ZMAT5: variants seen among roughly 807,000 people sequenced by gnomAD.
The protein encoded by ZMAT5 is zinc finger matrin-type protein 5.
In ZMAT5, 23 loss-of-function variants were observed where a neutral mutation model predicts 28.0. That is an observed-to-expected ratio of 0.82 (90% CI 0.59 to 1.16). The LOEUF (loss-of-function observed/expected upper bound fraction) is 1.16, where lower values mean the gene tolerates loss of function less well. ZMAT5 is among the 50% of genes most tolerant of loss of function. ZMAT5 has a pLI of 0.00. For synonymous variants in ZMAT5, 76 were observed against 84.1 expected, an observed-to-expected ratio of 0.90 and a Z score of 0.52; for missense variants, 173 against 212.7, an observed-to-expected ratio of 0.81 and a Z score of 1.16.
At chr22:29,751,792 C>A (rs111677583) in intron 1 of ZMAT5, among the ~76,000 whole-genome samples, 2 of 152,112 alleles carry the variant, frequency 1.3e-5, no homozygotes, top group Non-Finnish European at 2.9e-5. Context: ...TAGAGTGAAA[C>A]CCCATCTGTA....
intron 5 of ZMAT5, among the ~76,000 whole-genome samples, chr22:29,735,557 G>C (rs1341128953): frequency 6.6e-6 from 1 of 152,232 alleles, no homozygotes; most frequent in African/African-American, 2.4e-5. Context: ...CCCTGAACTT[G>C]GTGTCAGAGG....
intron 1 of ZMAT5, among the ~76,000 whole-genome samples, chr22:29,762,194 A>C (rs766086678): frequency 6.6e-5 from 10 of 152,246 alleles, no homozygotes; most frequent in Non-Finnish European, 1.5e-4. Context: ...TTAAGCTGTA[A>C]ATAGGGATGA....
chr22:29,748,314 A>C, intron 2 of ZMAT5, 104 bp downstream of exon 2: 1 of 1,565,542 alleles, frequency 6.4e-7, no homozygotes, highest in South Asian at 1.1e-5. Context: ...TTGATCCTCA[A>C]AGAGCCCAGA....
At chr22:29,760,586 T>G (rs888743703) in intron 1 of ZMAT5, among the ~76,000 whole-genome samples, 1 of 152,100 alleles carries the variant, frequency 6.6e-6, no homozygotes, top group Non-Finnish European at 1.5e-5. Context: ...AAATCCTGAT[T>G]TAGCAGATCT....
intron 5 of ZMAT5, among the ~76,000 whole-genome samples, chr22:29,735,119 AG>A: frequency 6.6e-6 from 1 of 152,026 alleles, no homozygotes; most frequent in Admixed American, 6.5e-5. Flanking sequence ...TAAGCAGGGT[AG>A]GGGGTGTGGA....
chr22:29,736,447 C>T (rs1256139911), intron 5 of ZMAT5, among the ~76,000 whole-genome samples: 5 of 152,152 alleles, frequency 3.3e-5, no homozygotes, highest in South Asian at 2.1e-4. Context: ...TGGCTGGGTG[C>T]GGTGGCTCAT....
intron 2 of ZMAT5, among the ~76,000 whole-genome samples, chr22:29,745,254 G>T (rs758224472): frequency 3.3e-5 from 5 of 152,212 alleles, no homozygotes; most frequent in Non-Finnish European, 5.9e-5. Context: ...GAGGTGGTGG[G>T]GGGGCCTGGC....
intron 5 of ZMAT5, among the ~76,000 whole-genome samples, chr22:29,734,795 G>A (rs551755101): frequency 1.4e-4 from 22 of 151,946 alleles, no homozygotes; most frequent in Non-Finnish European, 3.1e-4. Context: ...GGTGAGATCC[G>A]ACTGGCTGCG....
chr22:29,741,934 G>C (rs1333851029), intron 3 of ZMAT5, among the ~76,000 whole-genome samples: 2 of 152,184 alleles, frequency 1.3e-5, no homozygotes, highest in African/African-American at 2.4e-5. Context: ...GATTACAAGA[G>C]TGAGGCACCA....
intron 1 of ZMAT5, among the ~76,000 whole-genome samples, chr22:29,762,025 A>G (rs1159792132): frequency 6.6e-6 from 1 of 152,246 alleles, no homozygotes; most frequent in Non-Finnish European, 1.5e-5. Flanking sequence ...ATTATTTATA[A>G]GAACTTGAAA....
At chr22:29,758,089 C>A (rs749043792) in intron 1 of ZMAT5, among the ~76,000 whole-genome samples, 4 of 152,166 alleles carry the variant, frequency 2.6e-5, no homozygotes, top group Non-Finnish European at 5.9e-5. Flanking sequence ...GGGAAGCCAG[C>A]TGCCACACTG....
Position 29,731,139 on chromosome 22 carries a change from A to G in ZMAT5, c.*86T>C. The G allele has an allele frequency of 1.4e-6, 2 of 1,381,304 alleles. No homozygotes were observed. The highest frequency in any genetic ancestry group is 1.9e-6 in the Non-Finnish European group (2 of 1,054,150). 85.6% of individuals were successfully genotyped at this position (1,381,304 alleles called of 1,614,324 possible). A position where few individuals can be genotyped will look rare whatever the true frequency, so the allele number is the denominator to read the frequency against. On this transcript the variant is annotated 3_prime_UTR_variant, in exon 6 of 6. Coordinates refer to ENST00000344318, the MANE Select transcript of ZMAT5 (RefSeq NM_001003692.2). ...CTGGGCAGATGGTCTCGGAGCCTCC[A>G]TGGGGCGTAGCAGGAACCGGGCTTG...
intron 1 of ZMAT5, among the ~76,000 whole-genome samples, chr22:29,765,846 C>T (rs2068204942): frequency 6.6e-6 from 1 of 152,260 alleles, no homozygotes; most frequent in African/African-American, 2.4e-5. Flanking sequence ...CCAGTCTGGA[C>T]GACAGACCGA....
In ZMAT5 at chr22:29,731,117, G is replaced by A; in HGVS notation, c.*108C>T. Reference sequence around the variant, plus strand: ...CGTGTCCTGAGCCTCAGTGAGGCTGGGCAGATGGTCTCGGAGCCTCCATGG... The same window carrying A: ...CGTGTCCTGAGCCTCAGTGAGGCTGAGCAGATGGTCTCGGAGCCTCCATGG... On this transcript the variant is annotated 3_prime_UTR_variant, in exon 6 of 6. Transcript: ENST00000344318. 1 of 1,246,778 alleles carries A rather than the reference G, an allele frequency of 8.0e-7. No homozygotes were observed. Among genetic ancestry groups the A allele is most frequent in the Non-Finnish European group, 1.1e-6 (1 of 938,708 alleles). The allele number at this position is 1,246,778 out of a possible 1,614,324, so 77.2% of individuals were successfully genotyped here. A position where few individuals can be genotyped will look rare whatever the true frequency, so the allele number is the denominator to read the frequency against.
chr22:29,766,566 T>C (rs1207300135), intron 1 of ZMAT5, among the ~76,000 whole-genome samples: 1 of 152,214 alleles, frequency 6.6e-6, no homozygotes, highest in African/African-American at 2.4e-5. Flanking sequence ...CCAAAGCCCT[T>C]GCTCTTTTCA....
At chr22:29,747,789 T>A (rs1273157736) in intron 2 of ZMAT5, 1 of 163,300 alleles carries the variant, frequency 6.1e-6, no homozygotes, top group Non-Finnish European at 1.4e-5. Flanking sequence ...CAGAAGAGCC[T>A]GCCTTCCTTC....
At chr22:29,764,243 G>A (rs1022292318) in intron 1 of ZMAT5, among the ~76,000 whole-genome samples, 1 of 152,200 alleles carries the variant, frequency 6.6e-6, no homozygotes, top group Non-Finnish European at 1.5e-5. Context: ...CCATCAGCCA[G>A]ATTGGTTGGA....
intron 4 of ZMAT5, 46 bp downstream of exon 4, chr22:29,740,604 C>A (rs1471561964): frequency 2.6e-6 from 4 of 1,546,740 alleles, no homozygotes; most frequent in Admixed American, 1.9e-5. Context: ...AGCCCACATG[C>A]CCCAGCACCC....
intron 4 of ZMAT5, among the ~76,000 whole-genome samples, 182 bp from the exon 5 acceptor site, chr22:29,738,623 G>A (rs1371305857): frequency 2.0e-5 from 3 of 152,088 alleles, no homozygotes; most frequent in Non-Finnish European, 1.5e-5. Context: ...CCCAGCACTC[G>A]GCCTCGCTCT....
Sources: allele counts gnomAD v4.1 joint callset (sites outside exome capture counted in the v4.1 genomes callset), GRCh38; gene constraint gnomAD v4.1.1; transcripts MANE v1.5; gene names NCBI Gene and HGNC (gene_info 2026-07-23, HGNC 2026-07-21).